The following TMC1 variants were observed in gnomAD, a reference collection of about 807,000 sequenced individuals.
The protein encoded by TMC1 is transmembrane channel-like protein 1.
Under a neutral mutation model 105.8 loss-of-function variants are expected in TMC1, and 84 were observed. That is an observed-to-expected ratio of 0.79 (90% confidence interval 0.67 to 0.95). The LOEUF (loss-of-function observed/expected upper bound fraction) is 0.95. Among genes scored for constraint, TMC1 ranks in the 40% least tolerant of loss-of-function variants. The probability of loss-of-function intolerance (pLI) is 0.00; values close to 1 mark genes in which losing one functional copy is unlikely to be tolerated. For synonymous variants in TMC1, 315 were observed against 311.5 expected, an observed-to-expected ratio of 1.01 and a Z score of -0.12; for missense variants, 817 against 914.1, an observed-to-expected ratio of 0.89 and a Z score of 1.37.
At chr9:72,684,431 G>A (rs567669602) in intron 5 of TMC1, among the ~76,000 whole-genome samples, 2 of 152,206 alleles carry the variant, frequency 1.3e-5, no homozygotes, top group African/African-American at 2.4e-5. Context: ...CACAATCTCT[G>A]ACTTTCCTTC....
intron 2 of TMC1, among the ~76,000 whole-genome samples, chr9:72,606,815 T>A (rs772156656): frequency 6.6e-6 from 1 of 152,140 alleles, no homozygotes. Flanking sequence ...TATTTACTTT[T>A]GCACTTACAA....
chr9:72,714,324 A>G (rs1826884449), intron 8 of TMC1, among the ~76,000 whole-genome samples: 1 of 151,950 alleles, frequency 6.6e-6, no homozygotes, highest in South Asian at 2.1e-4. Context: ...ATCCTTGTTA[A>G]TTTTCTGTCT....
chr9:72,603,595 T>A (rs371454876), intron 2 of TMC1, among the ~76,000 whole-genome samples: 124 of 152,280 alleles, frequency 8.1e-4, no homozygotes, highest in South Asian at 3.3e-3. Context: ...AATCTTGCTC[T>A]GTTGCCCACA....
chr9:72,777,834 T>A (rs1464749122), intron 13 of TMC1, among the ~76,000 whole-genome samples: 1 of 152,248 alleles, frequency 6.6e-6, no homozygotes, highest in Non-Finnish European at 1.5e-5. Context: ...GCATATGTGG[T>A]ATGCATTTAT....
chr9:72,567,213 C>A (rs1031076753), intron 1 of TMC1, among the ~76,000 whole-genome samples: 1 of 152,176 alleles, frequency 6.6e-6, no homozygotes, highest in Admixed American at 6.5e-5. Flanking sequence ...TTTATGTTCC[C>A]ATAGCACCTG....
chr9:72,796,455 T>C (rs1828370752), intron 17 of TMC1, among the ~76,000 whole-genome samples: 1 of 152,100 alleles, frequency 6.6e-6, no homozygotes, highest in African/African-American at 2.4e-5. Context: ...ATGAGGCCCA[T>C]CAATTCAAAA....
chr9:72,628,152 G>A (rs1825383510), intron 4 of TMC1, 89 bp downstream of exon 4: 1 of 452,550 alleles, frequency 2.2e-6, no homozygotes, highest in Admixed American at 2.4e-5. Flanking sequence ...ACGCAGGATT[G>A]TATGGAATGG....
intron 2 of TMC1, among the ~76,000 whole-genome samples, chr9:72,614,152 G>C (rs551449095): frequency 6.6e-6 from 1 of 152,250 alleles, no homozygotes; most frequent in East Asian, 1.9e-4. Context: ...AATGACCAGA[G>C]ACCATGACAC....
chr9:72,608,632 A>G (rs1824965496), intron 2 of TMC1, among the ~76,000 whole-genome samples: 1 of 151,532 alleles, frequency 6.6e-6, no homozygotes, highest in Middle Eastern at 3.2e-3. Context: ...ACTTGAATCC[A>G]GGAAGTGGAG....
At chr9:72,551,012 TG>T (rs1450979871) in intron 1 of TMC1, among the ~76,000 whole-genome samples, 1 of 152,190 alleles carries the variant, frequency 6.6e-6, no homozygotes, top group Non-Finnish European at 1.5e-5. Context: ...GATGCAATAT[TG>T]TTTCCTATAA....
chr9:72,522,177 T>G (rs1823323948), intron 1 of TMC1, among the ~76,000 whole-genome samples: 1 of 129,434 alleles, frequency 7.7e-6, no homozygotes, highest in African/African-American at 3.1e-5. Flanking sequence ...TGAGACGGAG[T>G]CTTGCTCTGT....
chr9:72,571,693 C>T (rs1277945439), intron 1 of TMC1, among the ~76,000 whole-genome samples: 2 of 151,948 alleles, frequency 1.3e-5, no homozygotes, highest in African/African-American at 2.4e-5. Flanking sequence ...ATAAGCAATA[C>T]CGTATATAGT....
chr9:72,743,194 C>T (rs1013938965), intron 10 of TMC1, among the ~76,000 whole-genome samples: 67 of 151,308 alleles, frequency 4.4e-4, no homozygotes, highest in African/African-American at 1.6e-3. Context: ...GGTGAAACCC[C>T]GTCTCTACTA....
rs530500898 is a variant in TMC1 at position 72,648,516 on chromosome 9, C to T, written c.-52-81C>T. On this transcript the variant is annotated intron_variant, in intron 4 of 23. Coordinates refer to ENST00000297784, the MANE Select transcript of TMC1 (RefSeq NM_138691.3). ...TAAGTTTCAGATGGTGAAATGGCAC[C>T]AGGGGAGCACTTTCAGTGGCAGGCA... 15 of 792,664 alleles carry T rather than the reference C, an allele frequency of 1.9e-5. No individual in the cohort carries two copies. The Admixed American group carries it at 2.0e-4, about 11-fold the overall frequency. The allele number at this position is 792,664 out of a possible 1,614,324, so 49.1% of individuals were successfully genotyped here.
chr9:72,556,832 A>G (rs1191933003), intron 1 of TMC1, among the ~76,000 whole-genome samples: 1 of 151,638 alleles, frequency 6.6e-6, no homozygotes, highest in Non-Finnish European at 1.5e-5. Flanking sequence ...GAAACAAACA[A>G]ACAAACAAAC....
chr9:72,801,222 G>A, intron 17 of TMC1, among the ~76,000 whole-genome samples: 1 of 152,154 alleles, frequency 6.6e-6, no homozygotes, highest in Non-Finnish European at 1.5e-5. Context: ...TGATAGGTGG[G>A]CAGCAGAGCC....
At chr9:72,651,815 A>G (rs1825818274) in intron 5 of TMC1, among the ~76,000 whole-genome samples, 1 of 152,010 alleles carries the variant, frequency 6.6e-6, no homozygotes, top group Non-Finnish European at 1.5e-5. Flanking sequence ...GGTTACATGA[A>G]TAAGTTCTTT....
At chr9:72,686,140 T>G (rs187914389) in intron 5 of TMC1, among the ~76,000 whole-genome samples, 13 of 152,326 alleles carry the variant, frequency 8.5e-5, no homozygotes, top group Admixed American at 6.5e-4. Context: ...TAACTACACA[T>G]ACTTCAATGC....
intron 6 of TMC1, among the ~76,000 whole-genome samples, chr9:72,689,174 A>G (rs987150025): frequency 6.6e-6 from 1 of 152,126 alleles, no homozygotes; most frequent in Non-Finnish European, 1.5e-5. Context: ...TAATGTTTAC[A>G]TAGAGTGGGG....
Sources: gnomAD v4.1 joint callset for allele counts (sites outside exome capture counted in the v4.1 genomes callset) on GRCh38, gnomAD v4.1.1 for gene constraint, MANE v1.5 for transcripts, NCBI Gene and HGNC (gene_info 2026-07-23, HGNC 2026-07-21) for gene names.